The following DISC1 variants were observed in gnomAD, a reference collection of about 807,000 sequenced individuals.
DISC1 encodes the protein DISC1 scaffold protein, also known as disrupted in schizophrenia 1 protein.
Under a neutral mutation model 84.5 loss-of-function variants are expected in DISC1, and 57 were observed. The observed-to-expected ratio is 0.67, with a 90% CI of 0.55 to 0.84. DISC1 has a LOEUF of 0.84. Ranked by LOEUF, DISC1 falls within the 40% of genes least tolerant of loss-of-function variation. The pLI is 0.00. For missense variants in DISC1, 1,000 were observed against 1,057.8 expected, an observed-to-expected ratio of 0.95 and a Z score of 0.76; for synonymous variants, 411 against 415.2, an observed-to-expected ratio of 0.99 and a Z score of 0.12.
chr1:231,727,928 G>T (rs2070960340), intron 3 of DISC1, among the ~76,000 whole-genome samples: 1 of 151,750 alleles, frequency 6.6e-6, no homozygotes, highest in Non-Finnish European at 1.5e-5. Context: ...CTCCAGCCTG[G>T]TGACAGAGTG....
chr1:231,762,525 T>G (rs1288362899), intron 4 of DISC1, among the ~76,000 whole-genome samples: 1 of 149,514 alleles, frequency 6.7e-6, no homozygotes, highest in African/African-American at 2.5e-5. Context: ...TTTTTTTTTT[T>G]TTTTTGGTAG....
At chr1:231,672,997 T>C (rs1390890850) in intron 1 of DISC1, among the ~76,000 whole-genome samples, 1 of 152,174 alleles carries the variant, frequency 6.6e-6, no homozygotes, top group Non-Finnish European at 1.5e-5. Flanking sequence ...CTCTTTTTTC[T>C]GATCAAGCTG....
chr1:231,924,972 TA>T (rs1420338399), intron 9 of DISC1, among the ~76,000 whole-genome samples: 136 of 135,034 alleles, frequency 1.0e-3, no homozygotes, highest in Non-Finnish European at 1.7e-3. Context: ...TTTTTTTTTT[TA>T]AATGATTCTT....
At chr1:232,001,724 C>T (rs1356316292) in intron 10 of DISC1, among the ~76,000 whole-genome samples, 1 of 151,606 alleles carries the variant, frequency 6.6e-6, no homozygotes, top group Non-Finnish European at 1.5e-5. Context: ...ATACTTCATG[C>T]AAAAATTAAC....
chr1:231,698,645 G>C lies in DISC1; in HGVS notation c.1048-3310G>C, dbSNP rs563084147. ...GATCACTGGACGAGGTGGGCATCGTGGGGTGGGCTTTGGCTGTAAATGAAT... is the reference window on the plus strand; with the variant it reads ...GATCACTGGACGAGGTGGGCATCGTCGGGTGGGCTTTGGCTGTAAATGAAT... On this transcript the variant is annotated intron_variant, in intron 2 of 12. Transcript: ENST00000439617. The surrounding 1 kb of genome is among the most constrained non-coding windows in gnomAD (Gnocchi z 4.9). Among the ~76,000 whole-genome samples, 193 of 152,262 alleles carry C rather than the reference G, an allele frequency of 1.3e-3. No individual in the cohort carries two copies. Among genetic ancestry groups the C allele is most frequent in the African/African-American group, 4.3e-3 (178 of 41,544 alleles).
At chr1:232,000,666 T>C (rs973711680) in intron 10 of DISC1, among the ~76,000 whole-genome samples, 1 of 152,046 alleles carries the variant, frequency 6.6e-6, no homozygotes, top group Non-Finnish European at 1.5e-5. Flanking sequence ...TTCTGAAAAC[T>C]AAAGACAAGG....
rs114987352 is a variant in DISC1 at position 231,820,860 on chromosome 1, G to A, written c.1981+2343G>A. Among the ~76,000 whole-genome samples, 1,092 of 152,312 alleles carry A rather than the reference G, an allele frequency of 7.2e-3. 9 individuals carry two copies. The highest frequency in any genetic ancestry group is 0.025 in the African/African-American group (1,057 of 41,556). On this transcript the variant is annotated intron_variant, in intron 9 of 12. Transcript: ENST00000439617. ...CTGTCCTTACCCTGGGCAGCAATGTGCCCCACTAAAGTGATGAATTCTGTT... is the reference window on the plus strand; with the variant it reads ...CTGTCCTTACCCTGGGCAGCAATGTACCCCACTAAAGTGATGAATTCTGTT...
chr1:231,859,124 C>A (rs113548511), intron 9 of DISC1, among the ~76,000 whole-genome samples: 1 of 152,204 alleles, frequency 6.6e-6, no homozygotes, highest in African/African-American at 2.4e-5. Flanking sequence ...AAAAACAATA[C>A]CTAGTTTCCT....
intron 3 of DISC1, among the ~76,000 whole-genome samples, chr1:231,743,448 C>A (rs1410220896): frequency 6.6e-6 from 1 of 152,198 alleles, no homozygotes; most frequent in Non-Finnish European, 1.5e-5. Context: ...TGGAACAGAT[C>A]TGGATGCATC....
chr1:231,896,602 T>C (rs1410935113), intron 9 of DISC1, among the ~76,000 whole-genome samples: 1 of 152,200 alleles, frequency 6.6e-6, no homozygotes, highest in Non-Finnish European at 1.5e-5. Context: ...TCCAGTTTCA[T>C]AGAGCCAGAC....
intron 10 of DISC1, among the ~76,000 whole-genome samples, chr1:231,966,258 A>T (rs1040977148): frequency 6.6e-6 from 1 of 152,194 alleles, no homozygotes; most frequent in Non-Finnish European, 1.5e-5. Flanking sequence ...AATAGAATAG[A>T]AAAAAACGAC....
intron 3 of DISC1, among the ~76,000 whole-genome samples, chr1:231,705,291 CA>C (rs35677987): frequency 0.052 from 574 of 11,070 alleles, 1 homozygote; most frequent in East Asian, 0.13. Context: ...GACTCCATCT[CA>C]AAAAAAAAAA....
intron 1 of DISC1, among the ~76,000 whole-genome samples, chr1:231,641,593 C>G (rs950428418): frequency 6.6e-6 from 1 of 152,344 alleles, no homozygotes; most frequent in East Asian, 1.9e-4. Flanking sequence ...AGGGTTGCCG[C>G]TGCTGGCGCC....
chr1:231,705,666 AAAGGT>A (rs1322971646), intron 3 of DISC1, among the ~76,000 whole-genome samples: 3 of 152,274 alleles, frequency 2.0e-5, no homozygotes, highest in Admixed American at 6.5e-5. Flanking sequence ...TGGAAGACAT[AAAGGT>A]AGTGAATTTG....
At chr1:231,787,692 G>C (rs1573823569) in intron 6 of DISC1, among the ~76,000 whole-genome samples, 1 of 152,236 alleles carries the variant, frequency 6.6e-6, no homozygotes, top group East Asian at 1.9e-4. Context: ...AGATGAGCAA[G>C]ATGCTCTAAG....
chr1:231,716,270 G>C (rs1160115255), intron 3 of DISC1, among the ~76,000 whole-genome samples: 1 of 140,562 alleles, frequency 7.1e-6, no homozygotes, highest in Non-Finnish European at 1.5e-5. Flanking sequence ...TTTTCTGTTT[G>C]GCAATAAGAA....
At chr1:232,012,041 CACGAAGTGAGAGACG>C (rs1266374484) in intron 11 of DISC1, among the ~76,000 whole-genome samples, 1 of 152,192 alleles carries the variant, frequency 6.6e-6, no homozygotes, top group Non-Finnish European at 1.5e-5. Context: ...AAGGATGCAT[CACGAAGTGAGAGACG>C]CATACCTAGT....
At chr1:231,988,283 C>T (rs1480796916) in intron 10 of DISC1, among the ~76,000 whole-genome samples, 3 of 152,216 alleles carry the variant, frequency 2.0e-5, no homozygotes, top group Admixed American at 2.0e-4. Flanking sequence ...AATGCAGAAT[C>T]TCAGGCACTT....
At chr1:231,860,472 G>C (rs1352570758) in intron 9 of DISC1, among the ~76,000 whole-genome samples, 1 of 152,080 alleles carries the variant, frequency 6.6e-6, no homozygotes, top group African/African-American at 2.4e-5. Flanking sequence ...GAATTTTGAA[G>C]TATTTCAAAT....
Sources: allele counts gnomAD v4.1 joint callset (sites outside exome capture counted in the v4.1 genomes callset), GRCh38; gene constraint gnomAD v4.1.1; non-coding constraint Gnocchi (gnomAD v3.1); transcripts MANE v1.5; gene names NCBI Gene and HGNC (gene_info 2026-07-23, HGNC 2026-07-21).